NFIB: variants seen among roughly 807,000 people sequenced by gnomAD.
NFIB encodes nuclear factor 1 B-type.
Under a neutral mutation model 61.5 loss-of-function variants are expected in NFIB, and 11 were observed. That is an observed-to-expected ratio of 0.18 (90% CI 0.11 to 0.30). The LOEUF (loss-of-function observed/expected upper bound fraction) is 0.30, where lower values mean the gene tolerates loss of function less well. Among genes scored for constraint, NFIB ranks in the 10% least tolerant of loss-of-function variants. The probability of loss-of-function intolerance (pLI) is 1.00; values close to 1 mark genes in which losing one functional copy is unlikely to be tolerated. For missense variants in NFIB, 471 were observed against 608.9 expected (o/e 0.77, Z 2.38); for synonymous variants, 260 against 216.5 (o/e 1.20, Z -1.76).
intron 10 of NFIB, among the ~76,000 whole-genome samples, chr9:14,106,368 A>T (rs923888541): frequency 6.6e-6 from 1 of 152,164 alleles, no homozygotes; most frequent in Non-Finnish European, 1.5e-5. Flanking sequence ...AATGCCCAGA[A>T]TTTCAAAACC....
the NFIB span, among the ~76,000 whole-genome samples, chr9:14,406,785 AC>A: frequency 6.6e-6 from 1 of 152,302 alleles, no homozygotes; most frequent in Middle Eastern, 3.4e-3. Flanking sequence ...TCATCTGGTG[AC>A]AGAATATTCA....
intron 2 of NFIB, among the ~76,000 whole-genome samples, chr9:14,266,603 A>C (rs538825009): frequency 3.3e-5 from 5 of 151,880 alleles, no homozygotes; most frequent in Non-Finnish European, 7.4e-5. Flanking sequence ...TCAAAAAAAA[A>C]ACAATAAAAT....
At chr9:14,386,920 G>A (rs1017175497) in intron 1 of NFIB, among the ~76,000 whole-genome samples, 3 of 152,140 alleles carry the variant, frequency 2.0e-5, no homozygotes, top group African/African-American at 7.2e-5. Context: ...AGGAAAGTCG[G>A]TTGCATTTTT....
At chr9:14,373,641 A>AGTGTGT (rs56764067) in intron 1 of NFIB, among the ~76,000 whole-genome samples, 247 of 143,242 alleles carry the variant, frequency 1.7e-3, no homozygotes, top group Middle Eastern at 0.01. Context: ...TGTCCACATG[A>AGTGTGT]GTGTGTGTGT....
intron 2 of NFIB, among the ~76,000 whole-genome samples, chr9:14,302,230 A>G (rs1168723521): frequency 6.6e-6 from 1 of 152,240 alleles, no homozygotes; most frequent in African/African-American, 2.4e-5. Context: ...CTTTTCATAA[A>G]GAAATAATTG....
At chr9:14,163,315 C>T (rs1244786748) in intron 3 of NFIB, among the ~76,000 whole-genome samples, 1 of 151,878 alleles carries the variant, frequency 6.6e-6, no homozygotes, top group South Asian at 2.1e-4. Flanking sequence ...TAAATCACTA[C>T]AATAAATGTA....
chr9:14,279,708 C>T (rs1156631808), intron 2 of NFIB, among the ~76,000 whole-genome samples: 1 of 152,194 alleles, frequency 6.6e-6, no homozygotes, highest in Non-Finnish European at 1.5e-5. Context: ...ACACTCCTTT[C>T]ACACTCTTCA....
intron 2 of NFIB, among the ~76,000 whole-genome samples, chr9:14,302,862 C>T (rs1351604576): frequency 6.6e-6 from 1 of 152,110 alleles, no homozygotes; most frequent in African/African-American, 2.4e-5. Context: ...GGTAGAACTG[C>T]TAATCCTTCT....
chr9:14,162,422 C>A (rs764576206), intron 3 of NFIB, among the ~76,000 whole-genome samples: 2 of 151,902 alleles, frequency 1.3e-5, no homozygotes, highest in African/African-American at 4.8e-5. Context: ...TTACTGAATT[C>A]GTAGATTTAA....
chr9:14,471,668 C>G, the NFIB span, among the ~76,000 whole-genome samples: 2 of 152,306 alleles, frequency 1.3e-5, 1 homozygote, highest in South Asian at 4.1e-4. Flanking sequence ...TTTTCTGGTT[C>G]CACTTTTTGC....
intron 2 of NFIB, among the ~76,000 whole-genome samples, chr9:14,255,672 T>A (rs944201155): frequency 6.6e-6 from 1 of 152,194 alleles, no homozygotes; most frequent in Non-Finnish European, 1.5e-5. Context: ...TAAAAGTTAT[T>A]ATTCACTTTT....
At chr9:14,108,048 G>C (rs534660997) in intron 10 of NFIB, among the ~76,000 whole-genome samples, 5 of 152,076 alleles carry the variant, frequency 3.3e-5, no homozygotes, top group African/African-American at 1.2e-4. Context: ...TTAAGAACTA[G>C]CCAAAGAGCT....
chr9:14,395,124 G>A (rs2133041524), intron 1 of NFIB, among the ~76,000 whole-genome samples: 1 of 152,034 alleles, frequency 6.6e-6, no homozygotes, highest in East Asian at 1.9e-4. Flanking sequence ...AGAACCCTGG[G>A]TGCCAAGATG....
chr9:14,399,399 T>C (rs1785504485), upstream of NFIB, among the ~76,000 whole-genome samples: 1 of 152,244 alleles, frequency 6.6e-6, no homozygotes, highest in African/African-American at 2.4e-5. Context: ...GAATTCTAAA[T>C]AAAGTATGAA....
chr9:14,416,429 G>A, the NFIB span, among the ~76,000 whole-genome samples: 1 of 151,962 alleles, frequency 6.6e-6, no homozygotes, highest in East Asian at 1.9e-4. Flanking sequence ...AGAGGCGGAG[G>A]TGAAAGATAG....
rs1206390577 is a variant in NFIB at position 14,087,358 on chromosome 9, C to T, written c.*951G>A. 1 of 206,920 alleles carries T rather than the reference C, an allele frequency of 4.8e-6. No individual in the cohort carries two copies. Among genetic ancestry groups the T allele is most frequent in the Non-Finnish European group, 9.9e-6 (1 of 101,262 alleles). The allele number at this position is 206,920 out of a possible 1,614,324, so 12.8% of individuals were successfully genotyped here. A position where few individuals can be genotyped will look rare whatever the true frequency, so the allele number is the denominator to read the frequency against. ...AAAATTATTTTAAATTCTTTTTAATCCCCTCAATTTAGAGTCCAAGGGCTG... is the reference window on the plus strand; with the variant it reads ...AAAATTATTTTAAATTCTTTTTAATTCCCTCAATTTAGAGTCCAAGGGCTG... On this transcript the variant is annotated 3_prime_UTR_variant, in exon 11 of 11. Coordinates refer to ENST00000380953, the MANE Select transcript of NFIB (RefSeq NM_001190737.2).
intron 10 of NFIB, among the ~76,000 whole-genome samples, chr9:14,095,602 C>A (rs1220674150): frequency 6.6e-6 from 1 of 151,932 alleles, no homozygotes; most frequent in African/African-American, 2.4e-5. Flanking sequence ...CAAAATAGTG[C>A]CTTTCACTAG....
At chr9:14,336,118 A>G (rs1256820564) in intron 1 of NFIB, among the ~76,000 whole-genome samples, 2 of 152,128 alleles carry the variant, frequency 1.3e-5, no homozygotes, top group Non-Finnish European at 2.9e-5. Context: ...AGTTCTCCAG[A>G]TTTGTGCCTT....
At chr9:14,246,260 T>C (rs1380231301) in intron 2 of NFIB, among the ~76,000 whole-genome samples, 1 of 152,072 alleles carries the variant, frequency 6.6e-6, no homozygotes, top group Non-Finnish European at 1.5e-5. Context: ...ATCCAATACC[T>C]TGCATTGGCA....
Sources: allele counts gnomAD v4.1 joint callset (sites outside exome capture counted in the v4.1 genomes callset), GRCh38; gene constraint gnomAD v4.1.1; transcripts MANE v1.5; gene names NCBI Gene and HGNC (gene_info 2026-07-23, HGNC 2026-07-21).